The following VWF variants were observed in gnomAD, a reference collection of about 807,000 sequenced individuals.
VWF encodes von Willebrand factor, also known as Factor VIII related antigen.
In VWF, 176 loss-of-function variants were observed where a neutral mutation model predicts 308.6. That is an observed-to-expected ratio of 0.57 (90% CI 0.50 to 0.65). VWF has a LOEUF of 0.65. Ranked by LOEUF, VWF falls within the 30% of genes least tolerant of loss-of-function variation. The pLI, the probability that VWF is intolerant of heterozygous loss-of-function variation, is 0.00. For missense variants in VWF, 3,146 were observed against 3,648.2 expected (o/e 0.86, Z 3.55); for synonymous variants, 1,385 against 1,443.4 (o/e 0.96, Z 0.92).
intron 38 of VWF, among the ~76,000 whole-genome samples, chr12:5,990,868 TAAAAAAAAAAAAAAAAAAA>T (rs755717764): frequency 4.1e-4 from 13 of 31,456 alleles, no homozygotes; most frequent in Non-Finnish European, 5.3e-4. Context: ...CCCATAGAGC[TAAAAAAAAAAAAAAAAAAA>T]AAAAAAAAAA....
intron 20 of VWF, 58 bp from the exon 21 acceptor site, chr12:6,031,636 A>G: frequency 1.2e-6 from 2 of 1,612,932 alleles, no homozygotes; most frequent in Non-Finnish European, 1.7e-6. Context: ...TCACCAGACC[A>G]GAAGATTGGC....
At chr12:6,027,947 T>C (rs1944214865) in intron 22 of VWF, among the ~76,000 whole-genome samples, 1 of 151,770 alleles carries the variant, frequency 6.6e-6, no homozygotes, top group Admixed American at 6.6e-5. Flanking sequence ...GTTTGACACA[T>C]ACAGGAACTC....
chr12:5,983,521 T>A (rs150139439), intron 40 of VWF, among the ~76,000 whole-genome samples: 1 of 136,460 alleles, frequency 7.3e-6, no homozygotes, highest in African/African-American at 2.5e-5. Context: ...ACTAGGTACA[T>A]TAGATAGATA....
chr12:5,966,935 A>G (rs916048786), intron 47 of VWF, among the ~76,000 whole-genome samples: 6 of 152,212 alleles, frequency 3.9e-5, no homozygotes, highest in African/African-American at 1.4e-4. Flanking sequence ...TCATCTCCCA[A>G]ACTAGGAACG....
In VWF at chr12:6,013,662, G is replaced by A. The variant is rs370238898; in HGVS notation, c.5456-17C>T. On this transcript the variant is annotated splice_polypyrimidine_tract_variant and intron_variant, in intron 31 of 51. Coordinates refer to ENST00000261405, the MANE Select transcript of VWF (RefSeq NM_000552.5). ...CTGTCACTCCTAGAGTTAGCAAAGAGACAAGAAAGGATCTGTGGGCAAGAA... is the reference window on the plus strand; with the variant it reads ...CTGTCACTCCTAGAGTTAGCAAAGAAACAAGAAAGGATCTGTGGGCAAGAA... 2.4e-5 allele frequency: 38 copies of A among 1,612,396 alleles called. No homozygotes were observed. Among genetic ancestry groups the A allele is most frequent in the Non-Finnish European group, 3.0e-5 (35 of 1,179,840 alleles).
intron 50 of VWF, among the ~76,000 whole-genome samples, 187 bp from the exon 51 acceptor site, chr12:5,950,070 T>C (rs1444362165): frequency 6.6e-6 from 1 of 152,222 alleles, no homozygotes; most frequent in African/African-American, 2.4e-5. Flanking sequence ...TATGCAGAGA[T>C]ATAGTTATTG....
intron 40 of VWF, among the ~76,000 whole-genome samples, chr12:5,984,547 C>T (rs560038659): frequency 1.3e-5 from 2 of 152,372 alleles, no homozygotes; most frequent in Non-Finnish European, 2.9e-5. Context: ...GACAAAGGCA[C>T]TAATGATTTC....
At chr12:5,997,746 TGA>T (rs1943822032) in intron 34 of VWF, among the ~76,000 whole-genome samples, 1 of 152,208 alleles carries the variant, frequency 6.6e-6, no homozygotes, top group Non-Finnish European at 1.5e-5. Context: ...TAGTAAAACT[TGA>T]GGTCCTTCCA....
chr12:6,052,496 C>G (rs1944526544), intron 16 of VWF, 47 bp downstream of exon 16: 2 of 1,613,816 alleles, frequency 1.2e-6, no homozygotes, highest in Non-Finnish European at 1.7e-6. Context: ...GTTTTCCTCC[C>G]CAGCTCTGCT....
intron 21 of VWF, 43 bp from the exon 22 acceptor site, chr12:6,029,531 G>A (rs754586303): frequency 6.2e-7 from 1 of 1,612,296 alleles, no homozygotes; most frequent in South Asian, 1.1e-5. Context: ...ATGAAGGGCA[G>A]GCTCGACAGC....
intron 34 of VWF, among the ~76,000 whole-genome samples, chr12:6,002,324 A>C (rs1943880205): frequency 6.6e-6 from 1 of 151,888 alleles, no homozygotes; most frequent in South Asian, 2.1e-4. Context: ...AGAAAGACAA[A>C]TCATGAGTTA....
chr12:5,948,963 G>A lies in VWF; in HGVS notation c.*52C>T. 1 of 1,571,414 alleles carries A rather than the reference G, an allele frequency of 6.4e-7. No individual in the cohort carries two copies. Among genetic ancestry groups the A allele is most frequent in the Non-Finnish European group, 8.7e-7 (1 of 1,153,798 alleles). On this transcript the variant is annotated 3_prime_UTR_variant, in exon 52 of 52. Transcript: ENST00000261405. This position sits in a 1 kb window ranked among gnomAD's most constrained non-coding sequence, Gnocchi z 4.4. ...CAGAGGACTGGCAGCACTCTGGCCT[G>A]GCCATCAGGCCAAGGCAGGCAGCAG...
At chr12:6,067,831 TA>T (rs112646337) in intron 10 of VWF, among the ~76,000 whole-genome samples, 12 of 147,540 alleles carry the variant, frequency 8.1e-5, no homozygotes, top group Non-Finnish European at 1.1e-4. Context: ...AAACTGCATT[TA>T]AAAAAAAAAG....
chr12:6,054,205 C>T (rs911920498), intron 15 of VWF, among the ~76,000 whole-genome samples: 6 of 152,180 alleles, frequency 3.9e-5, no homozygotes, highest in African/African-American at 1.4e-4. Flanking sequence ...CTGCAGCCTC[C>T]CGCTCCTACA....
At chr12:6,103,831 GAA>G (rs1945211124) in intron 5 of VWF, among the ~76,000 whole-genome samples, 1 of 152,020 alleles carries the variant, frequency 6.6e-6, no homozygotes, top group Non-Finnish European at 1.5e-5. Flanking sequence ...AAAACCTTGG[GAA>G]AACTGTACTG....
At position 6,022,047 on chromosome 12, in the gene VWF, A is replaced by C; in HGVS notation, c.3539-12T>G. 1 of 1,614,094 alleles carries C rather than the reference A, an allele frequency of 6.2e-7. No homozygotes were observed. Among genetic ancestry groups the C allele is most frequent in the Middle Eastern group, 1.7e-4 (1 of 6,016 alleles). ...ATCCAGGATTTTCCCTGCAAAAGAAAGCTCTCATTAGGAACCAAAACGCTC... is the reference window on the plus strand; with the variant it reads ...ATCCAGGATTTTCCCTGCAAAAGAACGCTCTCATTAGGAACCAAAACGCTC... On this transcript the variant is annotated splice_polypyrimidine_tract_variant and intron_variant, in intron 26 of 51. Transcript: ENST00000261405.
rs886895815 is a variant in VWF at position 6,063,903 on chromosome 12, C to T, written c.1432+343G>A. On this transcript the variant is annotated intron_variant, in intron 12 of 51. Transcript: ENST00000261405. This position sits in a 1 kb window ranked among gnomAD's most constrained non-coding sequence, Gnocchi z 4.9. ...CATCAGCCTCTGCCCCTGTCCCACC[C>T]CAGAGCAAACCAGAACCACCTGCCC... 2.6e-5 allele frequency among the ~76,000 whole-genome samples: 4 copies of T among 152,178 alleles called. No individual in the cohort carries two copies. The highest frequency in any genetic ancestry group is 3.9e-4 in the East Asian group (2 of 5,194).
intron 5 of VWF, among the ~76,000 whole-genome samples, chr12:6,108,676 A>G (rs1210357196): frequency 6.6e-6 from 1 of 152,022 alleles, no homozygotes; most frequent in East Asian, 1.9e-4. Flanking sequence ...ATTTAGTTAC[A>G]AATAGGTAAC....
chr12:6,062,837 A>G, intron 13 of VWF, 117 bp downstream of exon 13: 1 of 819,388 alleles, frequency 1.2e-6, no homozygotes, highest in South Asian at 1.5e-5. Flanking sequence ...CTGGGGGTGT[A>G]GGCCATGAGG....
Sources: gnomAD v4.1 joint callset for allele counts (sites outside exome capture counted in the v4.1 genomes callset) on GRCh38, gnomAD v4.1.1 for gene constraint, Gnocchi (gnomAD v3.1) non-coding constraint, MANE v1.5 for transcripts, NCBI Gene and HGNC (gene_info 2026-07-23, HGNC 2026-07-21) for gene names.